The following USH2A variants were observed in gnomAD, a reference collection of about 807,000 sequenced individuals.
USH2A encodes usherin, also known as Usher syndrome 2A (autosomal recessive, mild).
In USH2A, 443 loss-of-function variants were observed where a neutral mutation model predicts 538.9. The ratio of observed to expected loss-of-function variants is 0.82; its 90% CI spans 0.76 to 0.89. USH2A has a LOEUF of 0.89. USH2A is among the 40% of genes least tolerant of loss of function. The pLI is 0.00. For synonymous variants in USH2A, 2,413 were observed against 2,273.5 expected (o/e 1.06, Z -1.75); for missense variants, 6,633 against 6,324.8 (o/e 1.05, Z -1.65).
intron 44 of USH2A, among the ~76,000 whole-genome samples, chr1:215,864,296 T>C (rs1342929541): frequency 6.6e-6 from 1 of 152,190 alleles, no homozygotes; most frequent in African/African-American, 2.4e-5. Context: ...TATGGGCTGG[T>C]TTCTATCTCA....
intron 30 of USH2A, among the ~76,000 whole-genome samples, chr1:216,066,278 G>A (rs1042869504): frequency 1.3e-4 from 20 of 151,906 alleles, no homozygotes; most frequent in Non-Finnish European, 2.1e-4. Flanking sequence ...AGACCATCCT[G>A]GCTAACATGG....
chr1:215,987,545 A>C (rs115037710), intron 35 of USH2A, among the ~76,000 whole-genome samples: 1 of 152,158 alleles, frequency 6.6e-6, no homozygotes, highest in Admixed American at 6.5e-5. Context: ...TCATTTTTGC[A>C]GGTATGTGAA....
At chr1:215,796,026 TAGA>T (rs1662123610) in intron 50 of USH2A, among the ~76,000 whole-genome samples, 1 of 151,720 alleles carries the variant, frequency 6.6e-6, no homozygotes, top group Non-Finnish European at 1.5e-5. Context: ...AAATAAAAAA[TAGA>T]AGAATGACAT....
chr1:216,046,518 T>C lies in USH2A; in HGVS notation c.6238A>G (p.Lys2080Glu), dbSNP rs771409005. The change falls in exon 32 of 72, where the codon AAG (lysine) becomes GAG (glutamate). Residue 2080 changes from lysine (K) to glutamate (E), a missense_variant. Physicochemically the swap from Lys to Glu is moderately conservative, Grantham distance 56 (BLOSUM62 1). Transcript: ENST00000307340. ...SLLLSWNPPKKANGIITQYCL... is the reference protein window; with the variant it reads ...SLLLSWNPPKEANGIITQYCL... Reference sequence around the variant, plus strand: ...TACTGAGTTATAATACCATTTGCCTTTTTGGGTGGGTTCCAGGAGAGCAGC... The same window carrying C: ...TACTGAGTTATAATACCATTTGCCTCTTTGGGTGGGTTCCAGGAGAGCAGC... The C allele has an allele frequency of 9.9e-6, 16 of 1,613,756 alleles. No individual in the cohort carries two copies. In the South Asian group the frequency reaches 1.8e-4, roughly 18 times the overall value.
chr1:216,000,327 CA>C, intron 33 of USH2A, 75 bp downstream of exon 33: 1 of 1,586,480 alleles, frequency 6.3e-7, no homozygotes. Context: ...TTTTATGTCA[CA>C]AGCTCCTCCC....
intron 60 of USH2A, among the ~76,000 whole-genome samples, chr1:215,736,610 A>T (rs1015757950): frequency 4.7e-4 from 71 of 152,186 alleles, no homozygotes; most frequent in African/African-American, 1.6e-3. Flanking sequence ...TAATATGATC[A>T]TGAAAGGGAG....
At chr1:216,076,637 A>G (rs911779577) in intron 27 of USH2A, among the ~76,000 whole-genome samples, 1 of 152,114 alleles carries the variant, frequency 6.6e-6, no homozygotes, top group African/African-American at 2.4e-5. Context: ...TATGAATGTA[A>G]TATTTTTAGC....
intron 22 of USH2A, among the ~76,000 whole-genome samples, chr1:216,091,515 A>G (rs2032301372): frequency 1.3e-5 from 2 of 152,226 alleles, no homozygotes; most frequent in South Asian, 4.1e-4. Flanking sequence ...AACAATGGCA[A>G]GTGCCCAGTT....
At chr1:216,075,720 T>C (rs1371641648) in intron 27 of USH2A, among the ~76,000 whole-genome samples, 1 of 152,142 alleles carries the variant, frequency 6.6e-6, no homozygotes, top group Non-Finnish European at 1.5e-5. Flanking sequence ...ATTATCCTCA[T>C]TGATCATTCT....
chr1:216,094,812 T>C (rs551692199), intron 22 of USH2A, among the ~76,000 whole-genome samples: 106 of 152,322 alleles, frequency 7.0e-4, no homozygotes, highest in African/African-American at 2.5e-3. Context: ...GTTTATAACC[T>C]GGCTTGGTCA....
At chr1:216,232,169 A>G (rs746238078) in intron 13 of USH2A, 33 bp from the exon 14 acceptor site, 19 of 1,579,934 alleles carry the variant, frequency 1.2e-5, no homozygotes, top group African/African-American at 9.6e-5. Context: ...TTTTATATAT[A>G]CTTTTTATCC....
At chr1:216,176,636 G>A (rs1291155087) in intron 20 of USH2A, among the ~76,000 whole-genome samples, 1 of 152,088 alleles carries the variant, frequency 6.6e-6, no homozygotes, top group Non-Finnish European at 1.5e-5. Flanking sequence ...ACAAATGTAT[G>A]ATGGCATGCA....
At position 215,625,650 on chromosome 1, in the gene USH2A, C is replaced by T. The variant is rs148615639; in HGVS notation, c.*131G>A. 0.015 allele frequency: 12,308 copies of T among 846,296 alleles called. 939 individuals are homozygous for T. The Admixed American group carries it at 0.17, about 12-fold the overall frequency. 52.4% of individuals were successfully genotyped at this position (846,296 alleles called of 1,614,324 possible). A position where few individuals can be genotyped will look rare whatever the true frequency, so the allele number is the denominator to read the frequency against. On this transcript the variant is annotated 3_prime_UTR_variant, in exon 72 of 72. Coordinates refer to ENST00000307340, the MANE Select transcript of USH2A (RefSeq NM_206933.4). ...AGGAAGGAACACTTTCAAAAACAGT[C>T]ATCATTTCTTTAAAGAATTATAGGA...
At chr1:215,663,372 A>T (rs991098271) in intron 64 of USH2A, among the ~76,000 whole-genome samples, 1 of 152,216 alleles carries the variant, frequency 6.6e-6, no homozygotes, top group Non-Finnish European at 1.5e-5. Context: ...TGAAGTTATC[A>T]GAAATTAAGT....
chr1:216,192,324 T>C (rs1352167318), intron 19 of USH2A, among the ~76,000 whole-genome samples: 5 of 152,050 alleles, frequency 3.3e-5, no homozygotes, highest in African/African-American at 1.2e-4. Context: ...AGGTAAAAAA[T>C]TGGACTTTGT....
intron 11 of USH2A, among the ~76,000 whole-genome samples, chr1:216,260,507 C>T (rs2036349930): frequency 6.6e-6 from 1 of 152,182 alleles, no homozygotes; most frequent in Non-Finnish European, 1.5e-5. Context: ...ATGTAGTATA[C>T]TGATATGTAG....
In USH2A at chr1:216,361,151, G is replaced by T. The variant is rs143027968; in HGVS notation, c.784+3802C>A. On this transcript the variant is annotated intron_variant, in intron 4 of 71. Coordinates refer to ENST00000307340, the MANE Select transcript of USH2A (RefSeq NM_206933.4). ...ACGACAACGTTACCACTGCAGAATG[G>T]TAGAAACATTGATTTGTTTCAAGAG... Among the ~76,000 whole-genome samples the T allele has an allele frequency of 8.5e-3, 1,299 of 152,136 alleles. 6 individuals are homozygous for T. The highest frequency in any genetic ancestry group is 0.031 in the Middle Eastern group (9 of 294).
intron 2 of USH2A, 113 bp from the exon 3 acceptor site, chr1:216,418,792 G>A: frequency 9.1e-7 from 1 of 1,102,618 alleles, no homozygotes; most frequent in South Asian, 1.3e-5. Flanking sequence ...GCTCAAAATG[G>A]TGTACTATGA....
intron 32 of USH2A, among the ~76,000 whole-genome samples, chr1:216,013,340 G>C (rs1024915337): frequency 2.7e-5 from 4 of 150,732 alleles, no homozygotes; most frequent in Non-Finnish European, 5.9e-5. Context: ...AATCCCGCTC[G>C]AAGCAGCCCT....
Sources: allele counts gnomAD v4.1 joint callset (sites outside exome capture counted in the v4.1 genomes callset), GRCh38; gene constraint gnomAD v4.1.1; transcripts MANE v1.5; gene names NCBI Gene and HGNC (gene_info 2026-07-23, HGNC 2026-07-21).